Variants in DNAAF6 observed in about 807,000 individuals in gnomAD.
DNAAF6 encodes PIH1 domain containing 3.
DNAAF6 carries 3 observed loss-of-function variants against 13.7 expected under a neutral mutation model. The ratio of observed to expected loss-of-function variants is 0.22; its 90% CI spans 0.10 to 0.56. DNAAF6 has a LOEUF of 0.56. Ranked by LOEUF, DNAAF6 falls within the 20% of genes least tolerant of loss-of-function variation. The pLI is 0.92. For missense variants in DNAAF6, 130 were observed against 151.0 expected, an observed-to-expected ratio of 0.86 and a Z score of 0.73; for synonymous variants, 54 against 49.2, an observed-to-expected ratio of 1.10 and a Z score of -0.41.
intron 6 of DNAAF6, among the ~76,000 whole-genome samples, chrX:107,239,571 G>A (rs1460867843): frequency 9.0e-6 from 1 of 111,182 alleles, no homozygotes; most frequent in East Asian, 2.8e-4. Flanking sequence ...GATTTGGGAG[G>A]CAGGCAGTTG....
At chrX:107,239,037 A>G (rs755767662) in intron 6 of DNAAF6, 30 bp downstream of exon 6, 2 of 1,169,649 alleles carry the variant, frequency 1.7e-6, no homozygotes, top group Non-Finnish European at 2.3e-6. Flanking sequence ...GGAATAGTGT[A>G]TTATAATATT....
At chrX:107,219,177 A>C (rs932923908) in intron 4 of DNAAF6, among the ~76,000 whole-genome samples, 2 of 112,243 alleles carry the variant, frequency 1.8e-5, no homozygotes, top group African/African-American at 6.5e-5. Flanking sequence ...TTCAGTTACT[A>C]TCTAGCAAAA....
At chrX:107,209,396 A>G (rs757495513) in intron 1 of DNAAF6, among the ~76,000 whole-genome samples, 1 of 112,162 alleles carries the variant, frequency 8.9e-6, no homozygotes, top group South Asian at 3.7e-4. Context: ...GGATATATCT[A>G]TTTACTTAAA....
At chrX:107,212,315 T>G (rs1368608959) in intron 1 of DNAAF6, among the ~76,000 whole-genome samples, 1 of 110,618 alleles carries the variant, frequency 9.0e-6, no homozygotes, top group African/African-American at 3.3e-5. Context: ...GCTGGAACTT[T>G]GAGCCCTATT....
At chrX:107,239,219 G>C (rs1427858123) in intron 6 of DNAAF6, among the ~76,000 whole-genome samples, 2 of 111,588 alleles carry the variant, frequency 1.8e-5, no homozygotes, top group Non-Finnish European at 3.8e-5. Context: ...CGTGCATTTG[G>C]AGTGGGTTAA....
intron 3 of DNAAF6, among the ~76,000 whole-genome samples, chrX:107,216,969 C>T (rs1428457296): frequency 9.0e-6 from 1 of 110,695 alleles, no homozygotes; most frequent in Non-Finnish European, 1.9e-5. Context: ...GTTAGTCATC[C>T]ACTGTGTATA....
intron 3 of DNAAF6, among the ~76,000 whole-genome samples, chrX:107,217,671 T>C (rs1357615884): frequency 4.4e-5 from 5 of 112,463 alleles, no homozygotes; most frequent in Non-Finnish European, 9.4e-5. Flanking sequence ...AAGGCTCTAA[T>C]TCTGTTGGTC....
intron 5 of DNAAF6, 29 bp from the exon 6 acceptor site, chrX:107,238,893 A>G (rs969056077): frequency 8.3e-7 from 1 of 1,204,511 alleles, no homozygotes; most frequent in Middle Eastern, 2.3e-4. Context: ...CCAAGATATC[A>G]CTATTTTTCT....
chrX:107,232,487 A>T (rs1382866596), intron 5 of DNAAF6, among the ~76,000 whole-genome samples: 1 of 112,299 alleles, frequency 8.9e-6, no homozygotes, highest in East Asian at 2.8e-4. Flanking sequence ...AAACATAAAC[A>T]TCACTGCCTT....
rs1928170888 is a variant in DNAAF6 at position 107,222,617 on chromosome X, C to T, written c.333-128C>T. 3.6e-6 allele frequency: 3 copies of T among 841,916 alleles called. No individual in the cohort carries two copies. In the Admixed American group the frequency reaches 1.3e-4, roughly 37 times the overall value. 69.4% of individuals were successfully genotyped at this position (841,916 alleles called of 1,213,427 possible). A position where few individuals can be genotyped will look rare whatever the true frequency, so the allele number is the denominator to read the frequency against. On this transcript the variant is annotated intron_variant, in intron 4 of 6. Transcript: ENST00000372453. ...GTTCTATTATATGCCTGAAGACCTG[C>T]AAGCACTTTATTTGTTTAGTCCTTT...
chrX:107,207,437 T>C (rs1277775765), intron 1 of DNAAF6: 12 of 111,318 alleles, frequency 1.1e-4, no homozygotes, highest in African/African-American at 3.9e-4. Flanking sequence ...GTATTACATG[T>C]CGTTTGACTG....
chrX:107,210,781 A>G (rs368851502), intron 1 of DNAAF6, among the ~76,000 whole-genome samples: 13 of 111,389 alleles, frequency 1.2e-4, no homozygotes, highest in African/African-American at 3.3e-4. Flanking sequence ...TCAGGGCAAA[A>G]GGAAGAATGC....
chrX:107,209,504 G>A (rs1163556307), intron 1 of DNAAF6, among the ~76,000 whole-genome samples: 2 of 111,518 alleles, frequency 1.8e-5, no homozygotes, highest in Admixed American at 9.5e-5. Context: ...CATGATCTCG[G>A]CTCACTGCAA....
At chrX:107,221,933 T>C (rs1928152170) in intron 4 of DNAAF6, among the ~76,000 whole-genome samples, 1 of 108,151 alleles carries the variant, frequency 9.2e-6, no homozygotes, top group African/African-American at 3.3e-5. Flanking sequence ...ATAATAATAA[T>C]AATAATAATA....
At chrX:107,225,602 G>A (rs1422289966) in intron 5 of DNAAF6, among the ~76,000 whole-genome samples, 3 of 110,969 alleles carry the variant, frequency 2.7e-5, no homozygotes, top group Non-Finnish European at 5.7e-5. Context: ...TACTTAAACC[G>A]AGTAAGGCAA....
chrX:107,225,327 T>G (rs1286407741), intron 5 of DNAAF6, among the ~76,000 whole-genome samples: 1 of 111,415 alleles, frequency 9.0e-6, no homozygotes. Context: ...TATATGCTTA[T>G]CATTCTTCTT....
At chrX:107,236,730 AT>A (rs1357347901) in intron 5 of DNAAF6, among the ~76,000 whole-genome samples, 1 of 112,157 alleles carries the variant, frequency 8.9e-6, no homozygotes, top group Non-Finnish European at 1.9e-5. Flanking sequence ...GTCTTTCTCA[AT>A]TGGCATTTTA....
intron 5 of DNAAF6, among the ~76,000 whole-genome samples, chrX:107,234,375 A>T (rs1490649735): frequency 2.7e-5 from 3 of 112,121 alleles, no homozygotes; most frequent in Non-Finnish European, 5.6e-5. Context: ...ATCATTCTTC[A>T]TGAGAGTTTT....
At chrX:107,209,397 T>G (rs1183508972) in intron 1 of DNAAF6, among the ~76,000 whole-genome samples, 1 of 112,210 alleles carries the variant, frequency 8.9e-6, no homozygotes, top group African/African-American at 3.2e-5. Context: ...GATATATCTA[T>G]TTACTTAAAC....
Sources: allele counts gnomAD v4.1 joint callset (sites outside exome capture counted in the v4.1 genomes callset), GRCh38; gene constraint gnomAD v4.1.1; transcripts MANE v1.5; gene names NCBI Gene and HGNC (gene_info 2026-07-23, HGNC 2026-07-21).